Variants in SEMA5A observed in about 807,000 individuals in gnomAD.
The protein encoded by SEMA5A is semaphorin 5A.
In SEMA5A, 55 loss-of-function variants were observed where a neutral mutation model predicts 135.5. That is an observed-to-expected ratio of 0.41 (90% CI 0.33 to 0.51). The LOEUF (loss-of-function observed/expected upper bound fraction) is 0.51. Among genes scored for constraint, SEMA5A ranks in the 20% least tolerant of loss-of-function variants. The pLI is 0.37. For missense variants in SEMA5A, 1,290 were observed against 1,419.9 expected, an observed-to-expected ratio of 0.91 and a Z score of 1.47; for synonymous variants, 580 against 546.5, an observed-to-expected ratio of 1.06 and a Z score of -0.85.
At chr5:9,202,881 T>A (rs1266031003) in intron 8 of SEMA5A, among the ~76,000 whole-genome samples, 1 of 152,298 alleles carries the variant, frequency 6.6e-6, no homozygotes, top group East Asian at 1.9e-4. Flanking sequence ...TTATTTCTGG[T>A]TTGCTGGGTA....
chr5:9,310,796 T>TATATAC (rs1752090535), intron 5 of SEMA5A, among the ~76,000 whole-genome samples: 1 of 74,306 alleles, frequency 1.3e-5, no homozygotes, highest in African/African-American at 3.0e-5. Flanking sequence ...ATAGTTTGCA[T>TATATAC]ATATACATAT....
At chr5:9,062,814 G>A in intron 18 of SEMA5A, 73 bp downstream of exon 18, 2 of 1,483,106 alleles carry the variant, frequency 1.3e-6, no homozygotes, top group South Asian at 1.1e-5. Context: ...AGCTGCGTGA[G>A]GCCTGGTAAA....
intron 2 of SEMA5A, among the ~76,000 whole-genome samples, chr5:9,395,510 T>A (rs1319192826): frequency 6.6e-6 from 1 of 152,200 alleles, no homozygotes; most frequent in Admixed American, 6.5e-5. Flanking sequence ...AAAAAGTCAC[T>A]TGTACCTAAG....
At chr5:9,280,628 G>A (rs1750494469) in intron 5 of SEMA5A, among the ~76,000 whole-genome samples, 1 of 152,188 alleles carries the variant, frequency 6.6e-6, no homozygotes, top group Non-Finnish European at 1.5e-5. Context: ...AAAATATGCA[G>A]TGTTCAATAC....
At chr5:9,064,711 A>G (rs1281151635) in intron 17 of SEMA5A, among the ~76,000 whole-genome samples, 16 of 152,312 alleles carry the variant, frequency 1.1e-4, no homozygotes, top group East Asian at 1.9e-4. Flanking sequence ...TGGGCAACAG[A>G]GCGAGACCCT....
chr5:9,452,805 C>G (rs1758694994), intron 1 of SEMA5A, among the ~76,000 whole-genome samples: 1 of 152,134 alleles, frequency 6.6e-6, no homozygotes, highest in South Asian at 2.1e-4. Flanking sequence ...TCCTCCAGGT[C>G]CATGCAGAAG....
Position 9,088,542 on chromosome 5 carries a change from A to G in SEMA5A, c.2073+19598T>C, listed in dbSNP as rs189434359. Reference sequence around the variant, plus strand: ...TTTTCTAATCATATTCAGATAGTACATTACAAAATGTCGGGAATGAGATGC... The same window carrying G: ...TTTTCTAATCATATTCAGATAGTACGTTACAAAATGTCGGGAATGAGATGC... On this transcript the variant is annotated intron_variant, in intron 16 of 22. Coordinates refer to ENST00000382496, the MANE Select transcript of SEMA5A (RefSeq NM_003966.3). Among the ~76,000 whole-genome samples the G allele has an allele frequency of 3.1e-3, 458 of 149,868 alleles. 1 individual carries two copies. Among genetic ancestry groups the G allele is most frequent in the African/African-American group, 0.011 (434 of 40,878 alleles).
intron 1 of SEMA5A, among the ~76,000 whole-genome samples, chr5:9,452,721 G>A (rs1758691530): frequency 1.3e-5 from 2 of 152,134 alleles, no homozygotes; most frequent in East Asian, 1.9e-4. Flanking sequence ...TATATAATAA[G>A]AGGAACCCCA....
At chr5:9,404,664 G>C (rs1167049026) in intron 2 of SEMA5A, among the ~76,000 whole-genome samples, 1 of 152,174 alleles carries the variant, frequency 6.6e-6, no homozygotes, top group Non-Finnish European at 1.5e-5. Flanking sequence ...GACCATTCCA[G>C]TGTCCCGTTG....
intron 5 of SEMA5A, among the ~76,000 whole-genome samples, chr5:9,248,360 T>C (rs1453179911): frequency 1.3e-5 from 2 of 152,122 alleles, no homozygotes; most frequent in Non-Finnish European, 2.9e-5. Flanking sequence ...GGCAACTAAT[T>C]GCCAAATGTT....
At chr5:9,310,087 AT>A (rs564440147) in intron 5 of SEMA5A, among the ~76,000 whole-genome samples, 2 of 152,292 alleles carry the variant, frequency 1.3e-5, no homozygotes, top group South Asian at 4.1e-4. Flanking sequence ...TTCAGGAAAT[AT>A]TCATTGAGAA....
chr5:9,432,099 A>G (rs1222468937), intron 2 of SEMA5A, among the ~76,000 whole-genome samples: 1 of 152,160 alleles, frequency 6.6e-6, no homozygotes, highest in Non-Finnish European at 1.5e-5. Flanking sequence ...GATGGAGATA[A>G]TGGAAGCTGA....
intron 3 of SEMA5A, among the ~76,000 whole-genome samples, chr5:9,340,266 G>C (rs534638548): frequency 6.6e-6 from 1 of 152,108 alleles, no homozygotes; most frequent in Non-Finnish European, 1.5e-5. Flanking sequence ...TGAATATCAG[G>C]GGCTCTGTTC....
chr5:9,398,900 G>T (rs1192456843), intron 2 of SEMA5A, among the ~76,000 whole-genome samples: 1 of 152,178 alleles, frequency 6.6e-6, no homozygotes, highest in Non-Finnish European at 1.5e-5. Flanking sequence ...GCAAGCCTGT[G>T]CTACCAATGG....
At chr5:9,308,641 C>T (rs899143682) in intron 5 of SEMA5A, among the ~76,000 whole-genome samples, 4 of 152,072 alleles carry the variant, frequency 2.6e-5, no homozygotes, top group African/African-American at 9.7e-5. Flanking sequence ...CACTGTAAGC[C>T]AGATGTCAAC....
At chr5:9,088,013 C>G (rs935823512) in intron 16 of SEMA5A, among the ~76,000 whole-genome samples, 1 of 152,100 alleles carries the variant, frequency 6.6e-6, no homozygotes, top group Non-Finnish European at 1.5e-5. Context: ...AGTGGCCGGG[C>G]GTGGTGGCTC....
chr5:9,125,319 G>A (rs1160422413), intron 13 of SEMA5A, among the ~76,000 whole-genome samples: 1 of 152,138 alleles, frequency 6.6e-6, no homozygotes, highest in Non-Finnish European at 1.5e-5. Context: ...ATCTGTTAGA[G>A]CAATTCTTTT....
intron 12 of SEMA5A, among the ~76,000 whole-genome samples, chr5:9,149,241 A>C (rs185219451): frequency 6.6e-6 from 1 of 152,336 alleles, no homozygotes; most frequent in Non-Finnish European, 1.5e-5. Context: ...GAGTTTCAAC[A>C]GAGACTGGAC....
intron 5 of SEMA5A, among the ~76,000 whole-genome samples, chr5:9,239,815 C>G (rs968705662): frequency 6.6e-6 from 1 of 151,912 alleles, no homozygotes; most frequent in African/African-American, 2.4e-5. Flanking sequence ...TTCACGGTGG[C>G]TTTCATTGGT....
Sources: allele counts gnomAD v4.1 joint callset (sites outside exome capture counted in the v4.1 genomes callset), GRCh38; gene constraint gnomAD v4.1.1; transcripts MANE v1.5; gene names NCBI Gene and HGNC (gene_info 2026-07-23, HGNC 2026-07-21).